The following CSMD1 variants were observed in gnomAD, a reference collection of about 807,000 sequenced individuals.
The protein encoded by CSMD1 is CUB and sushi domain-containing protein 1.
In CSMD1, 213 loss-of-function variants were observed where a neutral mutation model predicts 417.5. The ratio of observed to expected loss-of-function variants is 0.51; its 90% CI spans 0.46 to 0.57. CSMD1 has a LOEUF of 0.57. CSMD1 is among the 20% of genes least tolerant of loss of function. The pLI is 0.00. For synonymous variants in CSMD1, 2,862 were observed against 1,736.8 expected, an observed-to-expected ratio of 1.65 and a Z score of -16.11; for missense variants, 6,923 against 4,529.7, an observed-to-expected ratio of 1.53 and a Z score of -15.17.
chr8:3,932,544 A>G (rs1810223154), intron 5 of CSMD1, among the ~76,000 whole-genome samples: 1 of 150,632 alleles, frequency 6.6e-6, no homozygotes, highest in Non-Finnish European at 1.5e-5. Flanking sequence ...AAGCCCCACA[A>G]TTAAAGTTCA....
At chr8:4,493,406 C>G (rs1209873206) in intron 2 of CSMD1, among the ~76,000 whole-genome samples, 1 of 152,084 alleles carries the variant, frequency 6.6e-6, no homozygotes, top group Non-Finnish European at 1.5e-5. Context: ...CATTCTAAAG[C>G]TACTGATGGT....
intron 15 of CSMD1, among the ~76,000 whole-genome samples, chr8:3,403,889 C>A (rs998647343): frequency 1.3e-5 from 2 of 152,148 alleles, no homozygotes; most frequent in Non-Finnish European, 2.9e-5. Flanking sequence ...AAAAACTGTA[C>A]ATTTACCATA....
At chr8:3,606,125 C>T (rs374931865) in intron 8 of CSMD1, among the ~76,000 whole-genome samples, 46 of 152,300 alleles carry the variant, frequency 3.0e-4, no homozygotes, top group African/African-American at 9.6e-4. Flanking sequence ...TGACAAGAAG[C>T]TGGGTGTAAA....
chr8:3,181,855 G>A (rs541718866), intron 36 of CSMD1, among the ~76,000 whole-genome samples: 1 of 152,296 alleles, frequency 6.6e-6, no homozygotes, highest in Admixed American at 6.5e-5. Flanking sequence ...GAGGACCAGG[G>A]TAAGAAAGAA....
At chr8:3,637,325 C>T (rs1797100386) in intron 7 of CSMD1, among the ~76,000 whole-genome samples, 1 of 152,054 alleles carries the variant, frequency 6.6e-6, no homozygotes. Context: ...TGTCTAAGAT[C>T]CTTTATCTGT....
At chr8:4,679,168 A>G (rs1208368059) in intron 1 of CSMD1, among the ~76,000 whole-genome samples, 1 of 152,106 alleles carries the variant, frequency 6.6e-6, no homozygotes, top group East Asian at 1.9e-4. Context: ...ACCACAACGC[A>G]AGTTCTATTG....
At chr8:4,673,245 T>G (rs1419118923) in intron 1 of CSMD1, among the ~76,000 whole-genome samples, 2 of 152,232 alleles carry the variant, frequency 1.3e-5, no homozygotes. Flanking sequence ...AAAAACTTTT[T>G]GTAAGAGTCC....
chr8:4,466,621 T>G (rs1258131437), intron 2 of CSMD1, among the ~76,000 whole-genome samples: 1 of 152,198 alleles, frequency 6.6e-6, no homozygotes, highest in Non-Finnish European at 1.5e-5. Context: ...GCCAGTTCAA[T>G]TTTTTGACTT....
At chr8:3,320,853 C>A (rs895534248) in intron 23 of CSMD1, among the ~76,000 whole-genome samples, 2 of 152,220 alleles carry the variant, frequency 1.3e-5, no homozygotes, top group Non-Finnish European at 2.9e-5. Context: ...TATGGGGATA[C>A]AACGCCTGCT....
chr8:4,827,661 C>G (rs1799914468), intron 1 of CSMD1, among the ~76,000 whole-genome samples: 1 of 152,062 alleles, frequency 6.6e-6, no homozygotes, highest in Non-Finnish European at 1.5e-5. Context: ...TCTCGAAATG[C>G]TTACTCTGAT....
intron 3 of CSMD1, among the ~76,000 whole-genome samples, chr8:4,258,081 C>T (rs1036079894): frequency 6.6e-6 from 1 of 151,694 alleles, no homozygotes; most frequent in Non-Finnish European, 1.5e-5. Flanking sequence ...GTAACTGGGA[C>T]TACAGGCCCG....
intron 10 of CSMD1, among the ~76,000 whole-genome samples, chr8:3,522,173 G>C (rs187783357): frequency 5.3e-5 from 8 of 152,204 alleles, no homozygotes; most frequent in South Asian, 2.1e-4. Context: ...GAAGTGTTCA[G>C]CAATGTGAAA....
intron 3 of CSMD1, among the ~76,000 whole-genome samples, chr8:4,042,816 A>T (rs975269675): frequency 1.3e-3 from 57 of 42,954 alleles, no homozygotes; most frequent in Non-Finnish European, 1.8e-3. Context: ...ACAACATATT[A>T]AAAAAAAAAA....
intron 1 of CSMD1, among the ~76,000 whole-genome samples, chr8:4,902,392 G>C (rs950510440): frequency 2.7e-5 from 4 of 150,286 alleles, no homozygotes; most frequent in Non-Finnish European, 4.4e-5. Context: ...ACCCATGATT[G>C]TGCCACTTAG....
At chr8:3,676,769 C>T (rs1034010571) in intron 7 of CSMD1, among the ~76,000 whole-genome samples, 5 of 152,100 alleles carry the variant, frequency 3.3e-5, no homozygotes, top group Non-Finnish European at 7.4e-5. Flanking sequence ...GGAACCAACC[C>T]AAATGCCCAT....
chr8:3,857,058 C>A (rs1024118576), intron 5 of CSMD1, among the ~76,000 whole-genome samples: 11 of 151,934 alleles, frequency 7.2e-5, no homozygotes, highest in African/African-American at 2.7e-4. Flanking sequence ...GTATATCCCA[C>A]ACTTACTTCA....
At chr8:4,606,756 G>A (rs974954850) in intron 2 of CSMD1, among the ~76,000 whole-genome samples, 6 of 152,116 alleles carry the variant, frequency 3.9e-5, no homozygotes, top group Non-Finnish European at 5.9e-5. Flanking sequence ...CTTTTATGAA[G>A]GGATAGTAAA....
intron 52 of CSMD1, among the ~76,000 whole-genome samples, chr8:3,002,487 C>T (rs1027666850): frequency 1.3e-5 from 2 of 152,154 alleles, no homozygotes; most frequent in African/African-American, 4.8e-5. Context: ...ATGACACCAG[C>T]AATTCCTTTT....
At chr8:3,159,452 G>A (rs943135149) in intron 38 of CSMD1, among the ~76,000 whole-genome samples, 11 of 152,274 alleles carry the variant, frequency 7.2e-5, no homozygotes, top group East Asian at 1.9e-4. Context: ...TACTTTCAGC[G>A]TGTGATGTCA....
Sources: allele counts gnomAD v4.1 joint callset (sites outside exome capture counted in the v4.1 genomes callset), GRCh38; gene constraint gnomAD v4.1.1; transcripts MANE v1.5; gene names NCBI Gene and HGNC (gene_info 2026-07-23, HGNC 2026-07-21).